PRDM11: variants seen among roughly 807,000 people sequenced by gnomAD.
PRDM11 encodes PR/SET domain 11.
A neutral mutation model predicts 97.8 loss-of-function variants in PRDM11; 20 were observed. That is an observed-to-expected ratio of 0.20 (90% CI 0.14 to 0.30). PRDM11 has a LOEUF of 0.30. Among genes scored for constraint, PRDM11 ranks in the 10% least tolerant of loss-of-function variants. The probability of loss-of-function intolerance (pLI) is 1.00; values close to 1 mark genes in which losing one functional copy is unlikely to be tolerated. For missense variants in PRDM11, 1,139 were observed against 1,555.2 expected (o/e 0.73, Z 4.50); for synonymous variants, 599 against 637.7 (o/e 0.94, Z 0.91).
intron 1 of PRDM11, among the ~76,000 whole-genome samples, chr11:45,180,677 G>A (rs546129478): frequency 6.7e-6 from 1 of 150,278 alleles, no homozygotes; most frequent in African/African-American, 2.4e-5. Context: ...GCGGGCGGGG[G>A]GCGGGCGCTG....
chr11:45,140,605 T>A (rs1005458582), intron 1 of PRDM11, among the ~76,000 whole-genome samples: 1 of 152,170 alleles, frequency 6.6e-6, no homozygotes, highest in Non-Finnish European at 1.5e-5. Flanking sequence ...CAGCCCTTTT[T>A]GTTGGGTGGC....
chr11:45,145,984 A>G (rs994207901), upstream of PRDM11, among the ~76,000 whole-genome samples: 2 of 152,218 alleles, frequency 1.3e-5, no homozygotes, highest in Non-Finnish European at 2.9e-5. Flanking sequence ...CAAGCCAGCC[A>G]GGGACCAGCC....
chr11:45,138,172 C>G (rs1279060715), intron 1 of PRDM11, among the ~76,000 whole-genome samples: 1 of 152,074 alleles, frequency 6.6e-6, no homozygotes, highest in Non-Finnish European at 1.5e-5. Flanking sequence ...TGAAAGGGAG[C>G]CCAATGAACA....
At chr11:45,191,861 G>A (rs113578556) in intron 4 of PRDM11, among the ~76,000 whole-genome samples, 5,722 of 151,620 alleles carry the variant, frequency 0.038, 149 homozygotes, top group South Asian at 0.061. Context: ...TTTGAGTTCT[G>A]GGATACATGT....
intron 4 of PRDM11, among the ~76,000 whole-genome samples, chr11:45,187,787 T>C (rs767063350): frequency 6.8e-6 from 1 of 146,790 alleles, no homozygotes; most frequent in Non-Finnish European, 1.5e-5. Context: ...TTAAAGTGGC[T>C]CAAGAAAAGT....
chr11:45,226,937 A>G lies in PRDM11; in HGVS notation c.2312A>G (p.Asp771Gly), dbSNP rs1383877938. 1 of 1,533,956 alleles carries G rather than the reference A, an allele frequency of 6.5e-7. No individual in the cohort carries two copies. The highest frequency in any genetic ancestry group is 1.2e-5 in the South Asian group (1 of 83,974). The change falls in exon 8 of 8, where the codon GAT (aspartate) becomes GGT (glycine). Residue 771 changes from aspartate (D) to glycine (G), a missense_variant. Coordinates refer to ENST00000683152, the MANE Select transcript of PRDM11 (RefSeq NM_001384648.1). ...CACCGGCCCCACCTGGAGATCCTGG[A>G]TGCCATCAGCGGGAAGGAGCTCCCA... ...MVHRPHLEIL[D>G]AISGKELPCL...
Position 45,228,794 on chromosome 11 carries a change from C to T in PRDM11, c.*635C>T, listed in dbSNP as rs1268801229. 3 of 152,166 alleles carry T rather than the reference C, an allele frequency of 2.0e-5. No individual in the cohort carries two copies. 9.4% of individuals were successfully genotyped at this position (152,166 alleles called of 1,614,324 possible). ...TCATTTCCTGATGAGGGTTCCTTCA[C>T]TGTCCTACAAACAAAAGTGTCGGTC... is the stretch of plus-strand genomic sequence containing the variant. On this transcript the variant is annotated 3_prime_UTR_variant, in exon 8 of 8. Coordinates refer to ENST00000683152, the MANE Select transcript of PRDM11 (RefSeq NM_001384648.1).
chr11:45,099,791 T>C (rs1851941728), intron 1 of PRDM11, among the ~76,000 whole-genome samples: 1 of 152,202 alleles, frequency 6.6e-6, no homozygotes, highest in Non-Finnish European at 1.5e-5. Flanking sequence ...TGTTGTGCTA[T>C]CAAATAGTAG....
chr11:45,096,916 A>G (rs1242172886), intron 1 of PRDM11, among the ~76,000 whole-genome samples: 5 of 152,156 alleles, frequency 3.3e-5, no homozygotes, highest in Admixed American at 1.3e-4. Context: ...CTTCATGCCA[A>G]TCCTGGCAGG....
At chr11:45,142,674 C>T (rs1412739134), upstream of PRDM11, among the ~76,000 whole-genome samples, 1 of 152,118 alleles carries the variant, frequency 6.6e-6, no homozygotes, top group Non-Finnish European at 1.5e-5. Context: ...ATGATCTGAC[C>T]CAAGGCATTT....
chr11:45,122,673 C>T (rs1029535186), intron 1 of PRDM11, among the ~76,000 whole-genome samples: 2 of 151,926 alleles, frequency 1.3e-5, no homozygotes, highest in South Asian at 2.1e-4. Flanking sequence ...ACATGAACTC[C>T]TCATTTTTTA....
At chr11:45,212,353 G>T (rs558494225) in intron 5 of PRDM11, 6 of 338,304 alleles carry the variant, frequency 1.8e-5, no homozygotes, top group East Asian at 1.6e-4. Context: ...AAACTAGACC[G>T]CAGGGTGGCA....
chr11:45,220,743 A>G (rs7126559), intron 6 of PRDM11, among the ~76,000 whole-genome samples: 28,170 of 152,096 alleles, frequency 0.19, 3,451 homozygotes, highest in African/African-American at 0.35. Context: ...GGTTGGCAGG[A>G]GGTGGGATGG....
chr11:45,159,570 C>T (rs1851882396), intron 1 of PRDM11, among the ~76,000 whole-genome samples: 1 of 152,172 alleles, frequency 6.6e-6, no homozygotes, highest in African/African-American at 2.4e-5. Flanking sequence ...GACTTAGACC[C>T]ACATGTCCTG....
chr11:45,225,958 C>T (rs1445831477), intron 7 of PRDM11, 37 bp from the exon 8 acceptor site: 2 of 1,449,146 alleles, frequency 1.4e-6, no homozygotes, highest in African/African-American at 2.8e-5. Flanking sequence ...TGTTTTCTCC[C>T]CCAGGTATAA....
At chr11:45,126,902 A>G (rs976012668) in intron 1 of PRDM11, among the ~76,000 whole-genome samples, 4 of 152,220 alleles carry the variant, frequency 2.6e-5, no homozygotes, top group African/African-American at 7.2e-5. Context: ...AGATTGGGGA[A>G]GTTCTCCTGG....
intron 5 of PRDM11, among the ~76,000 whole-genome samples, chr11:45,218,166 G>C (rs1854011899): frequency 6.6e-6 from 1 of 152,016 alleles, no homozygotes; most frequent in Non-Finnish European, 1.5e-5. Flanking sequence ...ACATTTAAAT[G>C]TTTTGCCTTT....
chr11:45,104,661 G>A (rs911589101), intron 1 of PRDM11, among the ~76,000 whole-genome samples: 1 of 152,200 alleles, frequency 6.6e-6, no homozygotes, highest in African/African-American at 2.4e-5. Context: ...CAGGGAAGAG[G>A]AACAAAGGTT....
chr11:45,173,491 G>T (rs1035124375), intron 1 of PRDM11, among the ~76,000 whole-genome samples: 1 of 151,754 alleles, frequency 6.6e-6, no homozygotes, highest in Non-Finnish European at 1.5e-5. Flanking sequence ...GCGTGGTGGC[G>T]CACGGCTGTA....
Sources: allele counts gnomAD v4.1 joint callset (sites outside exome capture counted in the v4.1 genomes callset), GRCh38; gene constraint gnomAD v4.1.1; transcripts MANE v1.5; gene names NCBI Gene and HGNC (gene_info 2026-07-23, HGNC 2026-07-21).